Variants in PRMT8 observed in about 807,000 individuals in gnomAD.
PRMT8 encodes protein arginine methyltransferase 8, also known as protein arginine N-methyltransferase 8.
PRMT8 carries 7 observed loss-of-function variants against 47.1 expected under a neutral mutation model. The ratio of observed to expected loss-of-function variants is 0.15; its 90% CI spans 0.08 to 0.28. The LOEUF is 0.28. Among genes scored for constraint, PRMT8 ranks in the 10% least tolerant of loss-of-function variants. The pLI, the probability that PRMT8 is intolerant of heterozygous loss-of-function variation, is 1.00. For synonymous variants in PRMT8, 188 were observed against 186.5 expected (o/e 1.01, Z -0.07); for missense variants, 237 against 505.4 (o/e 0.47, Z 5.09).
At chr12:3,426,608 A>T (rs1864606919) in intron 1 of PRMT8, among the ~76,000 whole-genome samples, 1 of 152,244 alleles carries the variant, frequency 6.6e-6, no homozygotes, top group Non-Finnish European at 1.5e-5. Flanking sequence ...CACAGGATAT[A>T]ACAAGGCAAG....
intron 3 of PRMT8, chr12:3,551,533 G>A (rs1438973883): frequency 6.6e-6 from 1 of 152,330 alleles, no homozygotes; most frequent in African/African-American, 2.4e-5. Context: ...ACAGGGCTGA[G>A]CATGGTGTCC....
intron 1 of PRMT8, among the ~76,000 whole-genome samples, chr12:3,497,814 T>A (rs867063793): frequency 3.3e-5 from 5 of 152,240 alleles, no homozygotes; most frequent in African/African-American, 1.2e-4. Context: ...AGCAAACAGC[T>A]TGATGTGCGT....
chr12:3,489,817 A>ACACACACACACACACGCGCG (rs1865357568), upstream of PRMT8, among the ~76,000 whole-genome samples: 1 of 140,900 alleles, frequency 7.1e-6, no homozygotes, highest in East Asian at 2.2e-4. Flanking sequence ...TCACACACAC[A>ACACACACACACACACGCGCG]CACACACACA....
intron 1 of PRMT8, among the ~76,000 whole-genome samples, chr12:3,449,607 A>C (rs1183408262): frequency 6.6e-6 from 1 of 152,074 alleles, no homozygotes; most frequent in Non-Finnish European, 1.5e-5. Flanking sequence ...AAATTTGTTT[A>C]AATTCCTTGT....
At chr12:3,442,759 A>G (rs1864816739) in intron 1 of PRMT8, among the ~76,000 whole-genome samples, 1 of 152,178 alleles carries the variant, frequency 6.6e-6, no homozygotes, top group African/African-American at 2.4e-5. Context: ...CCCGGATTCA[A>G]GTGATTCTCC....
intron 1 of PRMT8, among the ~76,000 whole-genome samples, chr12:3,521,452 T>TA (rs1267974604): frequency 6.6e-6 from 1 of 152,086 alleles, no homozygotes; most frequent in East Asian, 1.9e-4. Context: ...CAGGCACCTG[T>TA]AATCCCAGCT....
chr12:3,544,747 T>C (rs1866298611), intron 2 of PRMT8, among the ~76,000 whole-genome samples: 1 of 152,222 alleles, frequency 6.6e-6, no homozygotes, highest in African/African-American at 2.4e-5. Context: ...CAAGATACCA[T>C]ACGGATGTTT....
At chr12:3,389,340 C>T (rs922691759) in intron 1 of PRMT8, among the ~76,000 whole-genome samples, 5 of 152,126 alleles carry the variant, frequency 3.3e-5, no homozygotes, top group Admixed American at 2.0e-4. Flanking sequence ...CCATGCTTAT[C>T]GCGCTGCAAA....
chr12:3,405,816 A>G (rs1262218474), intron 1 of PRMT8, among the ~76,000 whole-genome samples: 2 of 152,158 alleles, frequency 1.3e-5, no homozygotes, highest in Non-Finnish European at 2.9e-5. Flanking sequence ...CATGGCTGGC[A>G]TTGAGTGTAT....
rs1867119189 is a variant in PRMT8 at position 3,583,883 on chromosome 12, C to G, written c.979+675C>G. On this transcript the variant is annotated intron_variant, in intron 8 of 9. Transcript: ENST00000382622. This position sits in a 1 kb window ranked among gnomAD's most constrained non-coding sequence, Gnocchi z 4.7. ...CCCGTCGCTGCTACCCCACAGGTGG[C>G]CCAGCTACACCGAGCTCCTTGCTGA... is the stretch of plus-strand genomic sequence containing the variant. Among the ~76,000 whole-genome samples the G allele has an allele frequency of 6.6e-6, 1 of 152,228 alleles. No individual in the cohort carries two copies. Among genetic ancestry groups the G allele is most frequent in the Non-Finnish European group, 1.5e-5 (1 of 68,048 alleles).
At chr12:3,394,329 A>G (rs1346717250) in intron 1 of PRMT8, among the ~76,000 whole-genome samples, 2 of 152,146 alleles carry the variant, frequency 1.3e-5, no homozygotes, top group Non-Finnish European at 2.9e-5. Context: ...CCCACTCAGT[A>G]TGATATTGGC....
intron 1 of PRMT8, among the ~76,000 whole-genome samples, chr12:3,422,487 G>A (rs147851558): frequency 3.9e-4 from 60 of 152,294 alleles, no homozygotes; most frequent in African/African-American, 1.3e-3. Context: ...CGAGCTCCCC[G>A]AGTGAGCAAT....
intron 4 of PRMT8, 138 bp from the exon 5 acceptor site, chr12:3,568,568 T>C (rs991240714): frequency 2.2e-6 from 2 of 927,860 alleles, no homozygotes; most frequent in African/African-American, 1.7e-5. Context: ...ACTAGTTTGG[T>C]AAAGGGTGAG....
At chr12:3,488,985 A>G (rs1865347466), upstream of PRMT8, among the ~76,000 whole-genome samples, 1 of 152,214 alleles carries the variant, frequency 6.6e-6, no homozygotes, top group African/African-American at 2.4e-5. Context: ...ACAGGGGGCT[A>G]GAGTATCCAC....
chr12:3,384,832 G>A (rs2137042463), intron 1 of PRMT8, among the ~76,000 whole-genome samples: 1 of 152,090 alleles, frequency 6.6e-6, no homozygotes, highest in South Asian at 2.1e-4. Flanking sequence ...ACAATTTGTT[G>A]TTGTGCAGGA....
At chr12:3,407,217 C>T (rs563715383) in intron 1 of PRMT8, among the ~76,000 whole-genome samples, 16 of 152,228 alleles carry the variant, frequency 1.1e-4, no homozygotes, top group Non-Finnish European at 2.2e-4. Context: ...TAACCACCCT[C>T]ATGATTTGAT....
In PRMT8 at chr12:3,491,273, C is replaced by A; in HGVS notation, c.-353C>A. 1 of 1,048,320 alleles carries A rather than the reference C, an allele frequency of 9.5e-7. No homozygotes were observed. The highest frequency in any genetic ancestry group is 7.5e-5 in the East Asian group (1 of 13,284). 64.9% of individuals were successfully genotyped at this position (1,048,320 alleles called of 1,614,324 possible). A position where few individuals can be genotyped will look rare whatever the true frequency, so the allele number is the denominator to read the frequency against. ...CCTCCGGCCGGCCGGACTTTGCGAG[C>A]AGCCTGGAGAGGATCCGCGACCGCC... On this transcript the variant is annotated 5_prime_UTR_variant, in exon 1 of 10. Coordinates refer to ENST00000382622, the MANE Select transcript of PRMT8 (RefSeq NM_019854.5).
intron 1 of PRMT8, among the ~76,000 whole-genome samples, chr12:3,518,269 C>T (rs889882732): frequency 3.3e-5 from 5 of 152,120 alleles, no homozygotes; most frequent in African/African-American, 1.2e-4. Context: ...GTGAGAAGGA[C>T]ATTAAGAATT....
At chr12:3,577,934 C>G (rs965261877) in intron 7 of PRMT8, among the ~76,000 whole-genome samples, 4 of 152,174 alleles carry the variant, frequency 2.6e-5, no homozygotes, top group Admixed American at 2.0e-4. Context: ...AGGTGCCCTC[C>G]GCCTCCCTCC....
Sources: gnomAD v4.1 joint callset for allele counts (sites outside exome capture counted in the v4.1 genomes callset) on GRCh38, gnomAD v4.1.1 for gene constraint, Gnocchi (gnomAD v3.1) non-coding constraint, MANE v1.5 for transcripts, NCBI Gene and HGNC (gene_info 2026-07-23, HGNC 2026-07-21) for gene names.